TMEM108: variants seen among roughly 807,000 people sequenced by gnomAD.
TMEM108 encodes cancer/testis antigen 124.
A neutral mutation model predicts 35.1 loss-of-function variants in TMEM108; 12 were observed. That is an observed-to-expected ratio of 0.34 (90% CI 0.22 to 0.55). The LOEUF (loss-of-function observed/expected upper bound fraction) is 0.55. Among genes scored for constraint, TMEM108 ranks in the 20% least tolerant of loss-of-function variants. The pLI, the probability that TMEM108 is intolerant of heterozygous loss-of-function variation, is 0.89. For missense variants in TMEM108, 680 were observed against 753.3 expected (o/e 0.90, Z 1.14); for synonymous variants, 287 against 308.6 (o/e 0.93, Z 0.73).
intron 3 of TMEM108, among the ~76,000 whole-genome samples, chr3:133,272,275 G>A (rs1327770351): frequency 9.3e-6 from 1 of 107,106 alleles, no homozygotes; most frequent in African/African-American, 3.6e-5. Flanking sequence ...ACACGTACGT[G>A]TGTGTGTGTG....
intron 2 of TMEM108, among the ~76,000 whole-genome samples, chr3:133,215,969 TG>T (rs1945901989): frequency 6.6e-6 from 1 of 152,142 alleles, no homozygotes; most frequent in African/African-American, 2.4e-5. Context: ...CATATATCAT[TG>T]GGCCTACTCG....
chr3:133,157,959 T>C (rs952223480), intron 2 of TMEM108, among the ~76,000 whole-genome samples: 7 of 152,190 alleles, frequency 4.6e-5, no homozygotes, highest in African/African-American at 1.7e-4. Flanking sequence ...GCTTAGTCTC[T>C]TTAGACTGAA....
rs567345267 is a variant in TMEM108 at position 133,267,080 on chromosome 3, CA to C, written c.40+37745del. On this transcript the variant is annotated intron_variant, in intron 3 of 5. Coordinates refer to ENST00000321871, the MANE Select transcript of TMEM108 (RefSeq NM_023943.4). ...TGGGCAACAGAGCAAGACTCCACCT[CA>C]AAAAAAAAAAAAAAAGAACTCCCAA... is the stretch of plus-strand genomic sequence containing the variant. 4.9e-3 allele frequency among the ~76,000 whole-genome samples: 570 copies of C among 115,886 alleles called. 2 individuals carry two copies. The highest frequency in any genetic ancestry group is 0.013 in the African/African-American group (386 of 29,290). 76.0% of individuals were successfully genotyped at this position (115,886 alleles called of 152,430 possible). A position where few individuals can be genotyped will look rare whatever the true frequency, so the allele number is the denominator to read the frequency against.
intron 2 of TMEM108, among the ~76,000 whole-genome samples, chr3:133,061,647 C>T (rs1943537195): frequency 6.6e-6 from 1 of 152,148 alleles, no homozygotes; most frequent in Non-Finnish European, 1.5e-5. Flanking sequence ...TTTCATAGAG[C>T]ATTTATTAAC....
intron 3 of TMEM108, among the ~76,000 whole-genome samples, chr3:133,300,336 C>T (rs897572858): frequency 6.6e-6 from 1 of 152,096 alleles, no homozygotes; most frequent in African/African-American, 2.4e-5. Context: ...GAGTCCCAGA[C>T]AAAGAGGGGA....
intron 2 of TMEM108, among the ~76,000 whole-genome samples, chr3:133,193,987 AG>A (rs1368118033): frequency 6.9e-6 from 1 of 145,608 alleles, no homozygotes; most frequent in Non-Finnish European, 1.5e-5. Context: ...CTCAGGCTGG[AG>A]TGCAGTGGTG....
intron 2 of TMEM108, among the ~76,000 whole-genome samples, chr3:133,116,843 T>C (rs575563965): frequency 6.6e-6 from 1 of 152,342 alleles, no homozygotes; most frequent in Admixed American, 6.5e-5. Context: ...TGGCGTGATC[T>C]CTGCTCACTG....
At chr3:133,262,052 AC>A (rs1351869319) in intron 3 of TMEM108, among the ~76,000 whole-genome samples, 1 of 152,172 alleles carries the variant, frequency 6.6e-6, no homozygotes, top group Non-Finnish European at 1.5e-5. Flanking sequence ...GCCCTTCATA[AC>A]TACATTTGCC....
chr3:133,047,122 A>G (rs1287256306), intron 2 of TMEM108, among the ~76,000 whole-genome samples: 2 of 152,208 alleles, frequency 1.3e-5, no homozygotes, highest in Non-Finnish European at 2.9e-5. Context: ...AAGCAAAGAA[A>G]GGGCAGCTGC....
chr3:133,347,637 A>T (rs561699419), intron 3 of TMEM108, among the ~76,000 whole-genome samples: 1 of 151,972 alleles, frequency 6.6e-6, no homozygotes, highest in East Asian at 1.9e-4. Context: ...TTCTTGCTTT[A>T]TTGCATTAGC....
At chr3:133,200,940 A>C (rs917342337) in intron 2 of TMEM108, among the ~76,000 whole-genome samples, 1 of 152,240 alleles carries the variant, frequency 6.6e-6, no homozygotes, top group Non-Finnish European at 1.5e-5. Flanking sequence ...AGTAGAATTT[A>C]TAGAACATTT....
At chr3:133,143,816 A>G (rs906047112) in intron 2 of TMEM108, among the ~76,000 whole-genome samples, 1 of 152,114 alleles carries the variant, frequency 6.6e-6, no homozygotes, top group African/African-American at 2.4e-5. Flanking sequence ...GCCCCAGCAC[A>G]TGCCCTTCTC....
At chr3:133,250,290 G>A (rs141889560) in intron 3 of TMEM108, among the ~76,000 whole-genome samples, 50 of 152,226 alleles carry the variant, frequency 3.3e-4, no homozygotes, top group Non-Finnish European at 5.9e-4. Flanking sequence ...CTCAGCCTAC[G>A]TGAAGCCAGT....
chr3:133,112,305 C>T (rs1489051766), intron 2 of TMEM108, among the ~76,000 whole-genome samples: 2 of 152,078 alleles, frequency 1.3e-5, no homozygotes. Context: ...GTATCAGTGA[C>T]CCTTACTCCA....
chr3:133,141,076 A>G (rs994279661), intron 2 of TMEM108, among the ~76,000 whole-genome samples: 2 of 152,220 alleles, frequency 1.3e-5, no homozygotes, highest in African/African-American at 4.8e-5. Context: ...GTGAATCTAA[A>G]TTATTAAAAT....
chr3:133,283,771 CAAAG>C (rs1476322176), intron 3 of TMEM108, among the ~76,000 whole-genome samples: 3 of 152,278 alleles, frequency 2.0e-5, no homozygotes, highest in African/African-American at 7.2e-5. Context: ...TTTGAAATTT[CAAAG>C]AAAGATAAAA....
chr3:133,152,347 A>G (rs1051888007), intron 2 of TMEM108, among the ~76,000 whole-genome samples: 15 of 152,180 alleles, frequency 9.9e-5, no homozygotes, highest in African/African-American at 3.1e-4. Context: ...TGTAATGGCA[A>G]CGTATGCTGA....
intron 2 of TMEM108, among the ~76,000 whole-genome samples, chr3:133,070,428 C>T (rs1350000805): frequency 2.0e-5 from 3 of 152,116 alleles, no homozygotes; most frequent in Non-Finnish European, 1.5e-5. Context: ...GCCTTTCTCT[C>T]CCCTTAACTT....
At position 133,380,166 on chromosome 3, in the gene TMEM108, G is replaced by A. The variant is rs139900505; in HGVS notation, c.455G>A (p.Arg152His). Residue 152 changes from arginine to histidine, a missense_variant, in exon 4 of 6, where the codon CGC (arginine) becomes CAC (histidine). Transcript: ENST00000321871. The surrounding 1 kb of genome is among the most constrained non-coding windows in gnomAD (Gnocchi z 5.3). ...ACAAAGCCACCGGGGGCCACCAGCC[G>A]CCCCACCACAGCGCCCCCCCGCACT... Reference protein sequence around the residue: ...LLTKPPGATSRPTTAPPRTTT... With the variant: ...LLTKPPGATSHPTTAPPRTTT... 140 of 1,612,434 alleles carry A rather than the reference G, an allele frequency of 8.7e-5. No individual in the cohort carries two copies. Among genetic ancestry groups the A allele is most frequent in the Middle Eastern group, 1.7e-4 (1 of 6,054 alleles).
Sources: allele counts gnomAD v4.1 joint callset (sites outside exome capture counted in the v4.1 genomes callset), GRCh38; gene constraint gnomAD v4.1.1; non-coding constraint Gnocchi (gnomAD v3.1); transcripts MANE v1.5; gene names NCBI Gene and HGNC (gene_info 2026-07-23, HGNC 2026-07-21).